ABCB9: variants seen among roughly 807,000 people sequenced by gnomAD.
The protein encoded by ABCB9 is ATP binding cassette subfamily B member 9.
A neutral mutation model predicts 62.0 loss-of-function variants in ABCB9; 36 were observed. That is an observed-to-expected ratio of 0.58 (90% CI 0.45 to 0.77). The LOEUF is 0.77. ABCB9 is among the 30% of genes least tolerant of loss of function. The pLI, the probability that ABCB9 is intolerant of heterozygous loss-of-function variation, is 0.00. For missense variants in ABCB9, 943 were observed against 1,054.7 expected, an observed-to-expected ratio of 0.89 and a Z score of 1.47; for synonymous variants, 435 against 461.4, an observed-to-expected ratio of 0.94 and a Z score of 0.73.
intron 1 of ABCB9, among the ~76,000 whole-genome samples, chr12:122,963,974 G>C (rs1040988894): frequency 1.3e-5 from 2 of 152,168 alleles, no homozygotes; most frequent in Non-Finnish European, 2.9e-5. Context: ...AGAGGCCGTG[G>C]GGAGCGAGCG....
At chr12:122,965,823 G>T (rs1348496151) in intron 1 of ABCB9, among the ~76,000 whole-genome samples, 5 of 152,184 alleles carry the variant, frequency 3.3e-5, no homozygotes, top group African/African-American at 1.2e-4. Context: ...AGCAGCGGCA[G>T]CCCACTGGCC....
At chr12:122,919,751 C>T (rs929614134), downstream of ABCB9, among the ~76,000 whole-genome samples, 1 of 152,036 alleles carries the variant, frequency 6.6e-6, no homozygotes. Flanking sequence ...GACGGAGGTT[C>T]TCAATAAATG....
Position 122,940,350 on chromosome 12 carries a change from C to G in ABCB9, c.1570-66G>C. On this transcript the variant is annotated intron_variant, in intron 8 of 11. Coordinates refer to ENST00000280560, the MANE Select transcript of ABCB9 (RefSeq NM_019625.4). This position sits in a 1 kb window ranked among gnomAD's most constrained non-coding sequence, Gnocchi z 4.8. Reference sequence around the variant, plus strand: ...AGGTCCCAGGACTGGATGCCCTGACCTTGGACACAGGTGGGTGCCCTTCCC... The same window carrying G: ...AGGTCCCAGGACTGGATGCCCTGACGTTGGACACAGGTGGGTGCCCTTCCC... 2.0e-6 allele frequency: 3 copies of G among 1,505,462 alleles called. No homozygotes were observed. The South Asian group carries it at 4.0e-5, about 20-fold the overall frequency. 93.3% of individuals were successfully genotyped at this position (1,505,462 alleles called of 1,614,324 possible).
chr12:122,922,536 C>T (rs1456634305), intron 11 of ABCB9, among the ~76,000 whole-genome samples: 2 of 152,142 alleles, frequency 1.3e-5, no homozygotes, highest in Non-Finnish European at 2.9e-5. Flanking sequence ...TGTGCCACCA[C>T]GCCCGGCTAA....
At chr12:122,961,234 C>A (rs1429724736) in intron 1 of ABCB9, among the ~76,000 whole-genome samples, 1 of 152,038 alleles carries the variant, frequency 6.6e-6, no homozygotes, top group Non-Finnish European at 1.5e-5. Context: ...GTCGCCCAGG[C>A]TGGAGTACAG....
rs1475695012 is a variant in ABCB9, at chr12:122,959,906, G to T, written c.330C>A (p.Pro110=). The change falls in exon 2 of 12, where the codon CCC becomes CCA. Residue 110 remains proline (P), a synonymous_variant. Transcript: ENST00000280560. The surrounding 1 kb of genome is among the most constrained non-coding windows in gnomAD (Gnocchi z 5.4). The part of the protein sequence containing the change: ...KLLLFSEVRR[P]IRDPWFWALF... ...GGGCCCAAAACCAGGGGTCCCGGATGGGCCTGCGCACCTCTGAGAAGAGCA... is the reference window on the plus strand; with the variant it reads ...GGGCCCAAAACCAGGGGTCCCGGATTGGCCTGCGCACCTCTGAGAAGAGCA... The T allele has an allele frequency of 6.2e-7, 1 of 1,613,470 alleles. No homozygotes were observed. Among genetic ancestry groups the T allele is most frequent in the Admixed American group, 1.7e-5 (1 of 60,020 alleles).
chr12:122,965,995 G>T (rs1335794403), intron 1 of ABCB9, among the ~76,000 whole-genome samples: 1 of 152,240 alleles, frequency 6.6e-6, no homozygotes, highest in Non-Finnish European at 1.5e-5. Context: ...GGGAACGACA[G>T]CCATCCCAGG....
intron 1 of ABCB9, among the ~76,000 whole-genome samples, chr12:122,962,902 C>G (rs962332614): frequency 6.6e-6 from 1 of 152,212 alleles, no homozygotes; most frequent in Non-Finnish European, 1.5e-5. Flanking sequence ...CAAGATTACA[C>G]AGCTTCTGAA....
At chr12:122,924,486 T>C, downstream of ABCB9, 1 of 720,272 alleles carries the variant, frequency 1.4e-6, no homozygotes, top group East Asian at 5.3e-5. Context: ...CACCTAAGCC[T>C]CCCGAGTAGC....
intron 1 of ABCB9, among the ~76,000 whole-genome samples, chr12:122,963,990 G>C (rs557994323): frequency 1.3e-5 from 2 of 152,334 alleles, no homozygotes; most frequent in Admixed American, 1.3e-4. Flanking sequence ...GAGCGAGTGG[G>C]TGAGCTCCAG....
intron 9 of ABCB9, among the ~76,000 whole-genome samples, chr12:122,938,838 T>A (rs11060849): frequency 1.4e-5 from 2 of 139,242 alleles, no homozygotes; most frequent in African/African-American, 2.7e-5. Context: ...CAAAAAAAAA[T>A]AAAAATAAAA....
At chr12:122,935,135 C>T in intron 10 of ABCB9, 137 bp downstream of exon 10, 2 of 1,091,278 alleles carry the variant, frequency 1.8e-6, no homozygotes, top group East Asian at 2.8e-5. Context: ...AGGTTCGAGT[C>T]TGGCCAGGGT....
downstream of ABCB9, among the ~76,000 whole-genome samples, chr12:122,918,629 T>C (rs776074841): frequency 4.0e-5 from 6 of 151,788 alleles, no homozygotes; most frequent in Non-Finnish European, 8.8e-5. Flanking sequence ...CGACTAATAT[T>C]TTATTTTTTG....
rs1258994395 is a variant in ABCB9, at chr12:122,947,741, ATGATGGCATCACAGCGGGCCCG to A, written c.1053+861_1053+882del. ...GGCCAGAGGGGACAGCAGCCTGCCC[ATGATGGCATCACAGCGGGCCCG>A]CGATGGCATCACAGCGGGCCCGCAC... On this transcript the variant is annotated intron_variant, in intron 5 of 11. Coordinates refer to ENST00000280560, the MANE Select transcript of ABCB9 (RefSeq NM_019625.4). The surrounding 1 kb of genome is among the most constrained non-coding windows in gnomAD (Gnocchi z 6.0). 8.7e-6 allele frequency: 2 copies of A among 230,140 alleles called. No individual in the cohort carries two copies. Among genetic ancestry groups the A allele is most frequent in the African/African-American group, 4.6e-5 (2 of 43,614 alleles). The allele number at this position is 230,140 out of a possible 1,614,324, so 14.3% of individuals were successfully genotyped here. A position where few individuals can be genotyped will look rare whatever the true frequency, so the allele number is the denominator to read the frequency against.
intron 4 of ABCB9, chr12:122,949,413 G>A (rs933733684): frequency 2.9e-5 from 6 of 204,790 alleles, no homozygotes; most frequent in South Asian, 1.1e-4. Context: ...ATATTCTATC[G>A]TCTTCCCCGT....
intron 7 of ABCB9, among the ~76,000 whole-genome samples, chr12:122,943,636 C>CT (rs541814447): frequency 7.4e-4 from 110 of 149,596 alleles, no homozygotes; most frequent in Middle Eastern, 3.4e-3. Context: ...TTCTTTCTTT[C>CT]TTTTTTTTTT....
chr12:122,944,659 G>T lies in ABCB9; in HGVS notation c.1252-140C>A. The T allele has an allele frequency of 8.2e-7, 1 of 1,216,616 alleles. No homozygotes were observed. Among genetic ancestry groups the T allele is most frequent in the Non-Finnish European group, 1.1e-6 (1 of 886,172 alleles). 75.4% of individuals were successfully genotyped at this position (1,216,616 alleles called of 1,614,324 possible). The stretch of plus-strand genomic sequence containing the variant: ...TGAAATGCCGGCCGTTGGCAGGGGT[G>T]TCTTCCAAGGCTTGTCACTCATGCC... On this transcript the variant is annotated intron_variant, in intron 6 of 11. Transcript: ENST00000280560. The surrounding 1 kb of genome is among the most constrained non-coding windows in gnomAD (Gnocchi z 4.9).
intron 10 of ABCB9, among the ~76,000 whole-genome samples, chr12:122,934,462 G>C (rs919574928): frequency 2.6e-5 from 4 of 151,340 alleles, no homozygotes; most frequent in Non-Finnish European, 5.9e-5. Flanking sequence ...TGGGAGGCAG[G>C]AGGATTGCAT....
intron 11 of ABCB9, among the ~76,000 whole-genome samples, chr12:122,923,533 C>T (rs1045044713): frequency 6.6e-6 from 1 of 152,128 alleles, no homozygotes; most frequent in African/African-American, 2.4e-5. Context: ...TCGTGATCCG[C>T]CCGCCTTGGC....
Sources: allele counts gnomAD v4.1 joint callset (sites outside exome capture counted in the v4.1 genomes callset), GRCh38; gene constraint gnomAD v4.1.1; non-coding constraint Gnocchi (gnomAD v3.1); transcripts MANE v1.5; gene names NCBI Gene and HGNC (gene_info 2026-07-23, HGNC 2026-07-21).